The following IQCM variants were observed in gnomAD, a reference collection of about 807,000 sequenced individuals.
IQCM encodes IQ domain-containing protein M.
In IQCM, 45 loss-of-function variants were observed where a neutral mutation model predicts 57.6. That is an observed-to-expected ratio of 0.78 (90% CI 0.62 to 1.00). IQCM has a LOEUF of 1.00. IQCM is among the 50% of genes least tolerant of loss of function. The pLI, the probability that IQCM is intolerant of heterozygous loss-of-function variation, is 0.00. For missense variants in IQCM, 468 were observed against 511.6 expected (o/e 0.91, Z 0.82); for synonymous variants, 148 against 158.9 (o/e 0.93, Z 0.51).
intron 5 of IQCM, among the ~76,000 whole-genome samples, chr4:149,706,064 A>G (rs1764134739): frequency 6.6e-6 from 1 of 151,970 alleles, no homozygotes; most frequent in Non-Finnish European, 1.5e-5. Flanking sequence ...TTCATTGCAA[A>G]ATAGGATATT....
intron 13 of IQCM, among the ~76,000 whole-genome samples, chr4:149,431,994 G>T (rs1734913855): frequency 6.6e-6 from 1 of 150,428 alleles, no homozygotes. Flanking sequence ...ATGATATATT[G>T]TATATATTGC....
intron 12 of IQCM, among the ~76,000 whole-genome samples, chr4:149,467,031 T>G (rs1738925373): frequency 1.3e-5 from 2 of 152,178 alleles, no homozygotes; most frequent in Non-Finnish European, 2.9e-5. Flanking sequence ...GAGGTTAAGT[T>G]TGCATATATG....
chr4:149,548,476 T>A lies in IQCM; in HGVS notation c.1207A>T (p.Thr403Ser), dbSNP rs1392705836. 1 of 1,231,870 alleles carries A rather than the reference T, an allele frequency of 8.1e-7. No individual in the cohort carries two copies. Among genetic ancestry groups the A allele is most frequent in the Non-Finnish European group, 1.0e-6 (1 of 987,878 alleles). The allele number at this position is 1,231,870 out of a possible 1,614,324, so 76.3% of individuals were successfully genotyped here. ...HFPTQKQVDD[T>S]WDLVHQDGKE... is the part of the protein sequence containing the mutation. ...TCACCTTGATGGACCAGGTCCCAAG[T>A]ATCATCAACTTGTTTCTGAGTTGGG... The change falls in exon 12 of 14, where the codon ACT (threonine) becomes TCT (serine). Residue 403 changes from threonine to serine, a missense_variant. Physicochemically the swap from Thr to Ser is moderately conservative, Grantham distance 58 (BLOSUM62 1). Coordinates refer to ENST00000636793, the MANE Select transcript of IQCM (RefSeq NM_001363507.2).
At chr4:149,556,685 C>A (rs1355366749) in intron 10 of IQCM, among the ~76,000 whole-genome samples, 2 of 152,182 alleles carry the variant, frequency 1.3e-5, no homozygotes, top group Non-Finnish European at 2.9e-5. Context: ...ATAGTTATCT[C>A]GATCGCATAC....
At chr4:149,418,722 G>A (rs183423381) in intron 13 of IQCM, among the ~76,000 whole-genome samples, 8 of 152,124 alleles carry the variant, frequency 5.3e-5, no homozygotes, top group Admixed American at 2.6e-4. Flanking sequence ...TGCAGATGCC[G>A]TGATCCTGTA....
intron 5 of IQCM, among the ~76,000 whole-genome samples, chr4:149,686,719 A>T (rs1192182337): frequency 6.6e-6 from 1 of 151,600 alleles, no homozygotes; most frequent in African/African-American, 2.4e-5. Flanking sequence ...CAGAAAGGAG[A>T]TTGCTCTCAG....
intron 1 of IQCM, 46 bp downstream of exon 1, chr4:149,815,554 G>C (rs1286474227): frequency 1.3e-5 from 2 of 151,876 alleles, no homozygotes; most frequent in Non-Finnish European, 2.9e-5. Flanking sequence ...ATAAGAAACA[G>C]ATAATTAATA....
At chr4:149,810,138 G>A (rs1033647332) in intron 2 of IQCM, among the ~76,000 whole-genome samples, 7 of 151,872 alleles carry the variant, frequency 4.6e-5, no homozygotes, top group Non-Finnish European at 7.4e-5. Context: ...TAATCCTAGC[G>A]CTTTGGGAGG....
At position 149,354,380 on chromosome 4, in the gene IQCM, A is replaced by AAAAC. The variant is rs1553953455; in HGVS notation, c.1391-2315_1391-2314insGTTT. On this transcript the variant is annotated intron_variant, in intron 13 of 13. Coordinates refer to ENST00000636793, the MANE Select transcript of IQCM (RefSeq NM_001363507.2). ...CTCCGTCTCAAAAAAAAAAAAAAAA[A>AAAAC]AAAAAAAAACTGACAAATTAGGCCA... Among the ~76,000 whole-genome samples the AAAAC allele has an allele frequency of 6.8e-3, 889 of 131,348 alleles. 89 individuals carry two copies. Among genetic ancestry groups the AAAAC allele is most frequent in the African/African-American group, 0.015 (460 of 31,376 alleles). The allele number at this position is 131,348 out of a possible 152,430, so 86.2% of individuals were successfully genotyped here. A position where few individuals can be genotyped will look rare whatever the true frequency, so the allele number is the denominator to read the frequency against.
intron 13 of IQCM, among the ~76,000 whole-genome samples, chr4:149,365,774 A>T (rs1326100747): frequency 6.6e-6 from 1 of 152,148 alleles, no homozygotes; most frequent in African/African-American, 2.4e-5. Context: ...TCTACAAAAT[A>T]CCCAATCGGT....
At chr4:149,377,522 G>A (rs1730780690) in intron 13 of IQCM, among the ~76,000 whole-genome samples, 1 of 152,086 alleles carries the variant, frequency 6.6e-6, no homozygotes, top group South Asian at 2.1e-4. Flanking sequence ...GACTCAAACT[G>A]TCTTCTTTTT....
At chr4:149,425,913 A>G (rs1187209944) in intron 13 of IQCM, among the ~76,000 whole-genome samples, 5 of 152,002 alleles carry the variant, frequency 3.3e-5, no homozygotes. Context: ...TTACTTCAAG[A>G]TCTATCTACA....
At chr4:149,666,729 G>C (rs1272106463) in intron 7 of IQCM, among the ~76,000 whole-genome samples, 3 of 152,130 alleles carry the variant, frequency 2.0e-5, no homozygotes, top group Admixed American at 2.0e-4. Flanking sequence ...TGGGATACTA[G>C]AGCTTGGTGG....
intron 13 of IQCM, among the ~76,000 whole-genome samples, chr4:149,380,832 A>G (rs1731028167): frequency 1.3e-5 from 2 of 152,204 alleles, no homozygotes; most frequent in Admixed American, 1.3e-4. Context: ...TAGGTATCAC[A>G]TGCTTCCACT....
chr4:149,416,155 T>C (rs899580773), intron 13 of IQCM, among the ~76,000 whole-genome samples: 7 of 152,038 alleles, frequency 4.6e-5, no homozygotes, highest in African/African-American at 1.4e-4. Flanking sequence ...CCCAGACAGA[T>C]TTTTCTTCAT....
intron 7 of IQCM, among the ~76,000 whole-genome samples, chr4:149,667,915 T>C (rs925658194): frequency 9.2e-5 from 14 of 151,768 alleles, no homozygotes; most frequent in Non-Finnish European, 1.8e-4. Flanking sequence ...TTCCAAGAAA[T>C]ATGGCACTAT....
rs1033877193 is a variant in IQCM at position 149,362,762 on chromosome 4, G to T, written c.1391-10696C>A. 2.6e-5 allele frequency among the ~76,000 whole-genome samples: 4 copies of T among 152,182 alleles called. No individual in the cohort carries two copies. In the East Asian group the frequency reaches 7.7e-4, roughly 29 times the overall value. ...ATTTATATAGCAGAGGTCCAAGCTT[G>T]AACTTACGTTTTGTGTACTTCAGAA... On this transcript the variant is annotated intron_variant, in intron 13 of 13. Coordinates refer to ENST00000636793, the MANE Select transcript of IQCM (RefSeq NM_001363507.2).
intron 13 of IQCM, among the ~76,000 whole-genome samples, chr4:149,395,363 C>T (rs1439255249): frequency 6.6e-6 from 1 of 151,956 alleles, no homozygotes; most frequent in African/African-American, 2.4e-5. Context: ...ATAACTGTTT[C>T]TATTACAGAA....
At chr4:149,552,224 C>T (rs1009379892) in intron 11 of IQCM, among the ~76,000 whole-genome samples, 6 of 152,096 alleles carry the variant, frequency 3.9e-5, no homozygotes. Flanking sequence ...ATAAACCAGG[C>T]ATTTGCTAGA....
Sources: allele counts gnomAD v4.1 joint callset (sites outside exome capture counted in the v4.1 genomes callset), GRCh38; gene constraint gnomAD v4.1.1; transcripts MANE v1.5; gene names NCBI Gene and HGNC (gene_info 2026-07-23, HGNC 2026-07-21).